The following PLCG2 variants were observed in gnomAD, a reference collection of about 807,000 sequenced individuals.
PLCG2 encodes the protein 1-phosphatidylinositol 4,5-bisphosphate phosphodiesterase gamma-2.
Under a neutral mutation model 175.6 loss-of-function variants are expected in PLCG2, and 69 were observed. That is an observed-to-expected ratio of 0.39 (90% CI 0.32 to 0.48). The LOEUF (loss-of-function observed/expected upper bound fraction) is 0.48. Ranked by LOEUF, PLCG2 falls within the 20% of genes least tolerant of loss-of-function variation. The pLI, the probability that PLCG2 is intolerant of heterozygous loss-of-function variation, is 0.91. For synonymous variants in PLCG2, 827 were observed against 624.0 expected, an observed-to-expected ratio of 1.33 and a Z score of -4.85; for missense variants, 1,798 against 1,650.9, an observed-to-expected ratio of 1.09 and a Z score of -1.54.
chr16:81,849,412 T>C (rs1312966623), intron 2 of PLCG2, among the ~76,000 whole-genome samples: 3 of 152,182 alleles, frequency 2.0e-5, no homozygotes, highest in Non-Finnish European at 4.4e-5. Context: ...AGTTTTTCTT[T>C]AGTTATGTAT....
intron 2 of PLCG2, among the ~76,000 whole-genome samples, chr16:81,803,073 T>C (rs1018429735): frequency 2.6e-5 from 4 of 152,062 alleles, no homozygotes; most frequent in African/African-American, 9.7e-5. Flanking sequence ...GAGTTTCCTA[T>C]TCTGGACATT....
At chr16:81,787,526 C>G (rs964833965) in intron 2 of PLCG2, among the ~76,000 whole-genome samples, 2 of 135,452 alleles carry the variant, frequency 1.5e-5, no homozygotes, top group Non-Finnish European at 3.2e-5. Context: ...CCTCACCCAG[C>G]CTTGCACTCT....
At chr16:81,879,410 G>A (rs1240895768) in intron 7 of PLCG2, among the ~76,000 whole-genome samples, 1 of 152,148 alleles carries the variant, frequency 6.6e-6, no homozygotes, top group Non-Finnish European at 1.5e-5. Flanking sequence ...TGCCTAAAAA[G>A]GCTAAGTTTG....
intron 2 of PLCG2, among the ~76,000 whole-genome samples, chr16:81,834,528 GA>G (rs1480305627): frequency 6.6e-6 from 1 of 152,188 alleles, no homozygotes; most frequent in African/African-American, 2.4e-5. Flanking sequence ...GGCTTTGGGA[GA>G]GACCGCTGAG....
intron 2 of PLCG2, among the ~76,000 whole-genome samples, chr16:81,787,524 A>T (rs1597318386): frequency 7.4e-6 from 1 of 134,728 alleles, no homozygotes; most frequent in South Asian, 2.3e-4. Flanking sequence ...CACCTCACCC[A>T]GCCTTGCACT....
chr16:81,923,555 G>A lies in PLCG2; in HGVS notation c.2378G>A (p.Gly793Asp). The A allele has an allele frequency of 6.2e-7, 1 of 1,613,696 alleles. No individual in the cohort carries two copies. The highest frequency in any genetic ancestry group is 8.5e-7 in the Non-Finnish European group (1 of 1,179,690). ...KRSDELSFCRGALIHNVSKEP... is the reference protein window; with the variant it reads ...KRSDELSFCRDALIHNVSKEP... The stretch of plus-strand genomic sequence containing the variant: ...AGCGATGAGCTGAGCTTCTGCCGTG[G>A]TGCCCTCATCCACAATGTCTCCAAG... The change falls in exon 22 of 33, where the codon GGT becomes GAT. Residue 793 changes from glycine (G) to aspartate (D), a missense_variant. Physicochemically the swap from Gly to Asp is moderately conservative, Grantham distance 94. Transcript: ENST00000564138.
chr16:81,919,509 C>T lies in PLCG2; in HGVS notation c.2080C>T (p.Arg694Cys), dbSNP rs764736362. The T allele has an allele frequency of 5.0e-6, 8 of 1,613,986 alleles. No individual in the cohort carries two copies. The highest frequency in any genetic ancestry group is 1.1e-5 in the South Asian group (1 of 91,052). The change falls in exon 20 of 33, where the codon CGC (arginine) becomes TGC (cysteine). Residue 694 changes from arginine to cysteine, a missense_variant. Coordinates refer to ENST00000564138, the MANE Select transcript of PLCG2 (RefSeq NM_002661.5). The part of the protein sequence containing the change: ...FRARGKVKHC[R>C]INRDGRHFVL... Reference sequence around the variant, plus strand: ...GGCTAGGGGCAAGGTAAAGCATTGTCGCATCAACCGGGACGGCCGGCACTT... The same window carrying T: ...GGCTAGGGGCAAGGTAAAGCATTGTTGCATCAACCGGGACGGCCGGCACTT...
At position 81,857,758 on chromosome 16, in the gene PLCG2, C is replaced by T. The variant is rs73592971; in HGVS notation, c.338-505C>T. Among the ~76,000 whole-genome samples the T allele has an allele frequency of 4.4e-3, 670 of 152,256 alleles. 8 individuals are homozygous for T. The highest frequency in any genetic ancestry group is 0.016 in the African/African-American group (649 of 41,538). On this transcript the variant is annotated intron_variant, in intron 3 of 32. Coordinates refer to ENST00000564138, the MANE Select transcript of PLCG2 (RefSeq NM_002661.5). ...GGGTTAGAGATTCAACATATGAATTCGGAAGGAATGCAAATATTCAGTCTG... is the reference window on the plus strand; with the variant it reads ...GGGTTAGAGATTCAACATATGAATTTGGAAGGAATGCAAATATTCAGTCTG...
intron 24 of PLCG2, 166 bp downstream of exon 24, chr16:81,928,790 A>G: frequency 5.1e-6 from 3 of 591,040 alleles, no homozygotes; most frequent in Non-Finnish European, 9.4e-6. Flanking sequence ...AGTGAGTATG[A>G]TGCTATGTCT....
chr16:81,801,285 C>G (rs999535698), intron 2 of PLCG2, among the ~76,000 whole-genome samples: 8 of 152,132 alleles, frequency 5.3e-5, no homozygotes, highest in East Asian at 1.9e-4. Context: ...CCTTCCCTCC[C>G]TAGAGAAATC....
chr16:81,923,628 G>C, intron 22 of PLCG2, 34 bp downstream of exon 22: 1 of 1,339,870 alleles, frequency 7.5e-7, no homozygotes, highest in Non-Finnish European at 1.1e-6. Context: ...TGCTCGGCAG[G>C]TGGGCTTGAC....
intron 3 of PLCG2, among the ~76,000 whole-genome samples, chr16:81,857,178 C>G (rs1906728816): frequency 6.6e-6 from 1 of 152,314 alleles, no homozygotes; most frequent in Non-Finnish European, 1.5e-5. Context: ...GGTGTTTCCA[C>G]CTGTTGATGT....
chr16:81,955,384 T>C (rs546121169), intron 31 of PLCG2, among the ~76,000 whole-genome samples: 4 of 152,318 alleles, frequency 2.6e-5, no homozygotes, highest in South Asian at 2.1e-4. Flanking sequence ...GAAAGGCCAA[T>C]TGACTTGACC....
At chr16:81,748,088 T>A (rs938117965) in intron 1 of PLCG2, among the ~76,000 whole-genome samples, 2 of 152,300 alleles carry the variant, frequency 1.3e-5, no homozygotes, top group Non-Finnish European at 2.9e-5. Flanking sequence ...TTGGCCAGGC[T>A]GGTCTTGAAC....
intron 2 of PLCG2, among the ~76,000 whole-genome samples, chr16:81,798,198 G>A (rs1189411613): frequency 6.6e-6 from 1 of 152,144 alleles, no homozygotes; most frequent in African/African-American, 2.4e-5. Context: ...TCACTGGGAG[G>A]ATTCAGTTTG....
chr16:81,913,594 G>A (rs894994564), intron 19 of PLCG2, among the ~76,000 whole-genome samples: 34 of 152,272 alleles, frequency 2.2e-4, no homozygotes, highest in African/African-American at 6.5e-4. Flanking sequence ...GCCTGTGGGC[G>A]TCTTTTGTAC....
At chr16:81,912,882 C>G (rs1416576811) in intron 19 of PLCG2, among the ~76,000 whole-genome samples, 166 bp downstream of exon 19, 2 of 152,260 alleles carry the variant, frequency 1.3e-5, no homozygotes, top group Admixed American at 1.3e-4. Context: ...AGAATGTGCG[C>G]TCCTGCGTGC....
chr16:81,767,276 C>T (rs1910172021), intron 2 of PLCG2, among the ~76,000 whole-genome samples: 1 of 150,896 alleles, frequency 6.6e-6, no homozygotes, highest in African/African-American at 2.4e-5. Context: ...TCCCGAATAG[C>T]TGGGGTTACG....
At chr16:81,801,889 C>G (rs570094030) in intron 2 of PLCG2, among the ~76,000 whole-genome samples, 1 of 151,984 alleles carries the variant, frequency 6.6e-6, no homozygotes, top group Non-Finnish European at 1.5e-5. Context: ...CTATGTTGGT[C>G]AGGCTGGTCT....
Sources: gnomAD v4.1 joint callset for allele counts (sites outside exome capture counted in the v4.1 genomes callset) on GRCh38, gnomAD v4.1.1 for gene constraint, MANE v1.5 for transcripts, NCBI Gene and HGNC (gene_info 2026-07-23, HGNC 2026-07-21) for gene names.